Variants in METAP1D observed in about 807,000 individuals in gnomAD.
The protein encoded by METAP1D is methionyl aminopeptidase type 1D, mitochondrial.
METAP1D carries 31 observed loss-of-function variants against 40.5 expected under a neutral mutation model. That is an observed-to-expected ratio of 0.77 (90% confidence interval 0.58 to 1.03). The LOEUF (loss-of-function observed/expected upper bound fraction) is 1.03. Among genes scored for constraint, METAP1D ranks in the 50% least tolerant of loss-of-function variants. METAP1D has a pLI of 0.00. For missense variants in METAP1D, 411 were observed against 420.7 expected (o/e 0.98, Z 0.20); for synonymous variants, 151 against 146.4 (o/e 1.03, Z -0.22).
intron 1 of METAP1D, among the ~76,000 whole-genome samples, chr2:172,019,449 C>T (rs1428420942): frequency 1.3e-5 from 2 of 152,038 alleles, no homozygotes; most frequent in Non-Finnish European, 2.9e-5. Flanking sequence ...GGCATGGTGG[C>T]TCATGCCTGT....
chr2:172,065,771 CAT>C lies in METAP1D; in HGVS notation c.497+22_497+23del, dbSNP rs757609444. On this transcript the variant is annotated intron_variant, in intron 4 of 9. Coordinates refer to ENST00000315796, the MANE Select transcript of METAP1D (RefSeq NM_199227.3). Reference sequence around the variant, plus strand: ...CTGACAGGTATTCAGTTCTTAATAACATATTGTTCCTTTGGAAACTAAAACAT... The same window carrying C: ...CTGACAGGTATTCAGTTCTTAATAACATTGTTCCTTTGGAAACTAAAACAT... 4 of 1,606,954 alleles carry C rather than the reference CAT, an allele frequency of 2.5e-6. No individual in the cohort carries two copies. The Admixed American group carries it at 6.8e-5, about 27-fold the overall frequency.
At chr2:172,025,701 C>T (rs1334754961) in intron 1 of METAP1D, among the ~76,000 whole-genome samples, 1 of 152,028 alleles carries the variant, frequency 6.6e-6, no homozygotes, top group African/African-American at 2.4e-5. Flanking sequence ...GAAGCATCAC[C>T]CAACATCCAT....
chr2:172,017,322 CAT>C (rs1237549024), intron 1 of METAP1D, among the ~76,000 whole-genome samples: 4 of 148,966 alleles, frequency 2.7e-5, no homozygotes, highest in Admixed American at 6.7e-5. Flanking sequence ...ACAAGACAGA[CAT>C]ATATATGTGT....
intron 3 of METAP1D, chr2:172,064,351 C>T (rs1281003090): frequency 1.3e-5 from 2 of 152,440 alleles, no homozygotes; most frequent in African/African-American, 2.4e-5. Flanking sequence ...CTTCCTACTA[C>T]AAGATTTAGT....
At chr2:172,063,653 A>G in intron 2 of METAP1D, 58 bp from the exon 3 acceptor site, 5 of 1,335,218 alleles carry the variant, frequency 3.7e-6, no homozygotes, top group Non-Finnish European at 5.3e-6. Flanking sequence ...GTCTGAAAAA[A>G]TGATCCCATT....
intron 1 of METAP1D, among the ~76,000 whole-genome samples, chr2:172,036,977 T>C (rs1258842434): frequency 6.6e-6 from 1 of 152,134 alleles, no homozygotes; most frequent in African/African-American, 2.4e-5. Flanking sequence ...CTAGGTTTTA[T>C]GGCTGCGGGC....
chr2:172,039,467 A>C (rs1458593190), intron 1 of METAP1D, among the ~76,000 whole-genome samples: 1 of 152,168 alleles, frequency 6.6e-6, no homozygotes, highest in Non-Finnish European at 1.5e-5. Flanking sequence ...ACAGTTTCCA[A>C]CATCAAGAAG....
At chr2:172,018,126 C>CAAA (rs34937813) in intron 1 of METAP1D, among the ~76,000 whole-genome samples, 5 of 76,694 alleles carry the variant, frequency 6.5e-5, no homozygotes, top group African/African-American at 1.1e-4. Context: ...GACTCTGTCT[C>CAAA]AAAAAAAAAA....
intron 4 of METAP1D, among the ~76,000 whole-genome samples, chr2:172,066,017 T>G (rs977065992): frequency 4.6e-5 from 7 of 152,210 alleles, no homozygotes; most frequent in Non-Finnish European, 2.9e-5. Context: ...ATCATATAAG[T>G]GGTAAAATTC....
At chr2:172,079,989 T>G in intron 8 of METAP1D, 139 bp from the exon 9 acceptor site, 2 of 699,026 alleles carry the variant, frequency 2.9e-6, no homozygotes, top group Non-Finnish European at 4.9e-6. Context: ...TATCAACCCT[T>G]GCAAGATGAC....
chr2:172,016,941 GTCT>G, intron 1 of METAP1D, among the ~76,000 whole-genome samples: 1 of 151,924 alleles, frequency 6.6e-6, no homozygotes, highest in Non-Finnish European at 1.5e-5. Flanking sequence ...TGTTCTTGAG[GTCT>G]TCATCTCATT....
At chr2:172,010,618 G>A (rs1181126099) in intron 1 of METAP1D, among the ~76,000 whole-genome samples, 3 of 148,186 alleles carry the variant, frequency 2.0e-5, no homozygotes, top group South Asian at 4.4e-4. Flanking sequence ...TCAGCCCCCC[G>A]AGTGGCTGAG....
At chr2:172,078,201 G>C (rs540450355) in intron 7 of METAP1D, among the ~76,000 whole-genome samples, 1 of 152,100 alleles carries the variant, frequency 6.6e-6, no homozygotes, top group Non-Finnish European at 1.5e-5. Context: ...AAAACAAAAC[G>C]CCACTGCATC....
At chr2:172,053,331 C>T (rs1278768768) in intron 1 of METAP1D, among the ~76,000 whole-genome samples, 2 of 152,136 alleles carry the variant, frequency 1.3e-5, no homozygotes, top group African/African-American at 4.8e-5. Flanking sequence ...ATGCTATAGT[C>T]CCTTCTGAGC....
intron 1 of METAP1D, among the ~76,000 whole-genome samples, chr2:172,011,580 G>A (rs969368436): frequency 7.9e-5 from 12 of 152,160 alleles, no homozygotes; most frequent in Admixed American, 3.9e-4. Context: ...CACCGCGCCC[G>A]GCCTAATCTT....
intron 1 of METAP1D, among the ~76,000 whole-genome samples, chr2:172,042,220 T>C (rs552328798): frequency 0.024 from 261 of 10,820 alleles, 32 homozygotes; most frequent in African/African-American, 0.04. Context: ...TATGTGTACA[T>C]GTGTACACAT....
rs782636305 is a variant in METAP1D, at chr2:172,041,458, C to CAAAA, written c.41-20028_41-20025dup. 1.7e-4 allele frequency among the ~76,000 whole-genome samples: 16 copies of CAAAA among 94,884 alleles called. 1 individual carries two copies. Among genetic ancestry groups the CAAAA allele is most frequent in the African/African-American group, 3.3e-4 (10 of 30,506 alleles). The allele number at this position is 94,884 out of a possible 152,430, so 62.2% of individuals were successfully genotyped here. On this transcript the variant is annotated intron_variant, in intron 1 of 9. Transcript: ENST00000315796. ...TGGGTGACAGCGCAAGACTCTGTAT[C>CAAAA]AAAAAAAAAAAAAAAGAATCCACTT...
Position 172,079,259 on chromosome 2 carries a change from A to C in METAP1D, c.847A>C (p.Ile283Leu). Residue 283 changes from isoleucine (I) to leucine (L), a missense_variant, in exon 8 of 10, where the codon ATA (isoleucine) becomes CTA (leucine). Physicochemically the swap from Ile to Leu is conservative, Grantham distance 5. Coordinates refer to ENST00000315796, the MANE Select transcript of METAP1D (RefSeq NM_199227.3). The stretch of plus-strand genomic sequence containing the variant: ...CATGGAGGAGGGCATGGCATTCACT[A>C]TAGGTAAATTGAGCTCCTCTTCCGA... ...LPMEEGMAFT[I>L]EPIITEGSPE... The C allele has an allele frequency of 6.2e-7, 1 of 1,613,936 alleles. No homozygotes were observed. Among genetic ancestry groups the C allele is most frequent in the African/African-American group, 1.3e-5 (1 of 74,964 alleles).
chr2:172,021,854 G>A (rs952982381), intron 1 of METAP1D: 1 of 152,198 alleles, frequency 6.6e-6, no homozygotes, highest in Non-Finnish European at 1.5e-5. Context: ...TGCTGGTTCA[G>A]TATTGAACTG....
Sources: allele counts gnomAD v4.1 joint callset (sites outside exome capture counted in the v4.1 genomes callset), GRCh38; gene constraint gnomAD v4.1.1; transcripts MANE v1.5; gene names NCBI Gene and HGNC (gene_info 2026-07-23, HGNC 2026-07-21).